PFKM: variants seen among roughly 807,000 people sequenced by gnomAD.
PFKM encodes ATP-dependent 6-phosphofructokinase, muscle type.
PFKM carries 58 observed loss-of-function variants against 95.5 expected under a neutral mutation model. The ratio of observed to expected loss-of-function variants is 0.61; its 90% confidence interval spans 0.49 to 0.76. The LOEUF (loss-of-function observed/expected upper bound fraction) is 0.76, where lower values mean the gene tolerates loss of function less well. Among genes scored for constraint, PFKM ranks in the 30% least tolerant of loss-of-function variants. The probability of loss-of-function intolerance (pLI) is 0.00; values close to 1 mark genes in which losing one functional copy is unlikely to be tolerated. For missense variants in PFKM, 678 were observed against 1,005.4 expected, an observed-to-expected ratio of 0.67 and a Z score of 4.40; for synonymous variants, 336 against 357.2, an observed-to-expected ratio of 0.94 and a Z score of 0.67.
intron 1 of PFKM, among the ~76,000 whole-genome samples, chr12:48,121,796 A>T (rs903816195): frequency 2.0e-5 from 3 of 152,222 alleles, no homozygotes; most frequent in African/African-American, 7.2e-5. Context: ...ATAAAGGAAG[A>T]TAATAAGAAG....
In PFKM at chr12:48,129,210, CTTTTTTTTTTTTTTTTTTTTTTT is replaced by C. The variant is rs778761447; in HGVS notation, c.86-1142_86-1120del. On this transcript the variant is annotated intron_variant, in intron 2 of 22. Coordinates refer to ENST00000359794, the MANE Select transcript of PFKM (RefSeq NM_000289.6). ...GTTCTGTTTTGTTTTAATTTTCTTT[CTTTTTTTTTTTTTTTTTTTTTTT>C]TTTTTTTTTTACAGATGGAGTCTTG... 4.5e-4 allele frequency among the ~76,000 whole-genome samples: 10 copies of C among 22,000 alleles called. No homozygotes were observed. In the East Asian group the frequency reaches 0.018, roughly 39 times the overall value. 14.4% of individuals were successfully genotyped at this position (22,000 alleles called of 152,430 possible).
At chr12:48,115,172 G>A (rs1176615945), upstream of PFKM, among the ~76,000 whole-genome samples, 1 of 152,196 alleles carries the variant, frequency 6.6e-6, no homozygotes, top group Non-Finnish European at 1.5e-5. Context: ...TGGAACATGG[G>A]TGAATAATCA....
rs1950525742 is a variant in PFKM, at chr12:48,140,883, A to C, written c.1341+12A>C. The C allele has an allele frequency of 1.9e-6, 3 of 1,613,986 alleles. No homozygotes were observed. Among genetic ancestry groups the C allele is most frequent in the Non-Finnish European group, 2.5e-6 (3 of 1,179,950 alleles). The stretch of plus-strand genomic sequence containing the variant: ...TGGCCAAGGGGCAGGTATGGGGACT[A>C]TTCTGGGACCTAGGAGCAGTCATGG... On this transcript the variant is annotated intron_variant, in intron 14 of 22. Coordinates refer to ENST00000359794, the MANE Select transcript of PFKM (RefSeq NM_000289.6).
At chr12:48,135,461 AC>A in intron 10 of PFKM, 78 bp downstream of exon 10, 1 of 1,026,860 alleles carries the variant, frequency 9.7e-7, no homozygotes, top group Non-Finnish European at 1.5e-6. Context: ...GCTGCACTTC[AC>A]CAGACAGGGA....
At chr12:48,123,708 G>A (rs906667795) in intron 2 of PFKM, among the ~76,000 whole-genome samples, 3 of 152,132 alleles carry the variant, frequency 2.0e-5, no homozygotes, top group Admixed American at 6.5e-5. Context: ...TAGACTTTGC[G>A]CTAAGGACCC....
At chr12:48,125,958 T>C (rs987923243) in intron 2 of PFKM, among the ~76,000 whole-genome samples, 1 of 152,248 alleles carries the variant, frequency 6.6e-6, no homozygotes, top group Non-Finnish European at 1.5e-5. Context: ...TTTAAAGTCA[T>C]GCTCAAGTCA....
At chr12:48,109,580 A>G (rs1461481484) in intron 3 of PFKM, among the ~76,000 whole-genome samples, 1 of 151,898 alleles carries the variant, frequency 6.6e-6, no homozygotes, top group African/African-American at 2.4e-5. Flanking sequence ...CCTAAAACTC[A>G]CCTCAGACTC....
intron 3 of PFKM, among the ~76,000 whole-genome samples, chr12:48,114,244 T>G (rs1947472244): frequency 6.6e-6 from 1 of 152,174 alleles, no homozygotes; most frequent in Non-Finnish European, 1.5e-5. Flanking sequence ...CAGATTAAAT[T>G]GTAGGACAGA....
chr12:48,107,230 C>T, intron 1 of PFKM: 1 of 644,000 alleles, frequency 1.6e-6, no homozygotes, highest in Admixed American at 2.4e-5. Flanking sequence ...TGTATTGCCT[C>T]ATGTGCTGAT....
chr12:48,133,089 T>C, intron 5 of PFKM, 32 bp downstream of exon 5: 2 of 1,597,920 alleles, frequency 1.3e-6, no homozygotes, highest in East Asian at 2.2e-5. Context: ...TATTGCTTAT[T>C]TGTGTCGGTA....
At chr12:48,132,576 T>G (rs1224421973) in intron 4 of PFKM, among the ~76,000 whole-genome samples, 2 of 152,370 alleles carry the variant, frequency 1.3e-5, no homozygotes, top group Non-Finnish European at 2.9e-5. Flanking sequence ...GAAGCCAACA[T>G]ACATGTATGT....
chr12:48,132,605 G>A (rs1050580814), intron 4 of PFKM, among the ~76,000 whole-genome samples: 2 of 152,174 alleles, frequency 1.3e-5, no homozygotes, highest in Non-Finnish European at 2.9e-5. Flanking sequence ...GTTCTCTTTA[G>A]GATAGTCATG....
At chr12:48,132,620 A>G (rs746602147) in intron 4 of PFKM, among the ~76,000 whole-genome samples, 5 of 152,258 alleles carry the variant, frequency 3.3e-5, no homozygotes, top group Non-Finnish European at 5.9e-5. Context: ...GTCATGGATG[A>G]CAAAGCCTTC....
intron 2 of PFKM, chr12:48,125,290 A>G (rs1376107935): frequency 2.2e-6 from 1 of 445,934 alleles, no homozygotes; most frequent in African/African-American, 2.0e-5. Context: ...AGCCATTACA[A>G]ATGTATGTTT....
rs763308722 is a variant in PFKM, at chr12:48,141,724, A to G, written c.1413-16A>G. 25 of 1,581,008 alleles carry G rather than the reference A, an allele frequency of 1.6e-5. No homozygotes were observed. The highest frequency in any genetic ancestry group is 1.9e-5 in the Non-Finnish European group (22 of 1,150,074). The stretch of plus-strand genomic sequence containing the variant: ...TCCAATTCCCCTTCCCCTCCCCGCC[A>G]TCACTGATCAACTAGGACTCTACCC... On this transcript the variant is annotated splice_polypyrimidine_tract_variant and intron_variant, in intron 15 of 22. Coordinates refer to ENST00000359794, the MANE Select transcript of PFKM (RefSeq NM_000289.6).
chr12:48,132,668 G>A (rs1346389963), intron 4 of PFKM, 200 bp from the exon 5 acceptor site: 1 of 614,196 alleles, frequency 1.6e-6, no homozygotes, highest in African/African-American at 1.8e-5. Context: ...CAGATGTGTA[G>A]CAAAATATGG....
intron 19 of PFKM, 26 bp from the exon 20 acceptor site, chr12:48,144,020 A>G: frequency 1.3e-6 from 2 of 1,509,384 alleles, no homozygotes; most frequent in Non-Finnish European, 1.8e-6. Flanking sequence ...CCACAGAGTC[A>G]CAGGCTTTTG....
Position 48,145,956 on chromosome 12 carries a change from T to C in PFKM, c.*248T>C. ...ACACAAGGCTGGGCACCTCTAGTGC[T>C]ACTGCTAGATATCACTTACTCAGTT... is the stretch of plus-strand genomic sequence containing the variant. On this transcript the variant is annotated 3_prime_UTR_variant, in exon 23 of 23. Coordinates refer to ENST00000359794, the MANE Select transcript of PFKM (RefSeq NM_000289.6). This position sits in a 1 kb window ranked among gnomAD's most constrained non-coding sequence, Gnocchi z 4.3. 1 of 534,902 alleles carries C rather than the reference T, an allele frequency of 1.9e-6. No individual in the cohort carries two copies. Among genetic ancestry groups the C allele is most frequent in the Non-Finnish European group, 3.4e-6 (1 of 297,744 alleles). 33.1% of individuals were successfully genotyped at this position (534,902 alleles called of 1,614,324 possible).
rs575399112 is a variant in PFKM, at chr12:48,120,556, A to G, written c.-9+1150A>G. 1.4e-4 allele frequency among the ~76,000 whole-genome samples: 21 copies of G among 152,364 alleles called. No homozygotes were observed. The South Asian group carries it at 2.5e-3, about 18-fold the overall frequency. Reference sequence around the variant, plus strand: ...AAACTTCGTCTGTAAAAGACCAGATAGTAAATATTTTAAACTGCAGGCTTA... The same window carrying G: ...AAACTTCGTCTGTAAAAGACCAGATGGTAAATATTTTAAACTGCAGGCTTA... On this transcript the variant is annotated intron_variant, in intron 1 of 22. Coordinates refer to ENST00000359794, the MANE Select transcript of PFKM (RefSeq NM_000289.6).
Sources: allele counts gnomAD v4.1 joint callset (sites outside exome capture counted in the v4.1 genomes callset), GRCh38; gene constraint gnomAD v4.1.1; non-coding constraint Gnocchi (gnomAD v3.1); transcripts MANE v1.5; gene names NCBI Gene and HGNC (gene_info 2026-07-23, HGNC 2026-07-21).